Variants in MYB observed in about 807,000 individuals in gnomAD.
MYB encodes transcriptional activator Myb.
In MYB, 28 loss-of-function variants were observed where a neutral mutation model predicts 92.9. The ratio of observed to expected loss-of-function variants is 0.30; its 90% CI spans 0.22 to 0.41. The LOEUF is 0.41. Ranked by LOEUF, MYB falls within the 10% of genes least tolerant of loss-of-function variation. MYB has a pLI of 1.00. For synonymous variants in MYB, 295 were observed against 329.1 expected (o/e 0.90, Z 1.12); for missense variants, 679 against 929.3 (o/e 0.73, Z 3.50).
chr6:135,203,299 A>T lies in MYB; in HGVS notation c.2144A>T (p.Asn715Ile). The change falls in exon 15 of 16, where the codon AAC becomes ATC. Residue 715 changes from asparagine to isoleucine, a missense_variant. By Grantham distance (149) the Asn-to-Ile change is moderately radical. Coordinates refer to ENST00000341911, the MANE Select transcript of MYB (RefSeq NM_001130173.2). Reference sequence around the variant, plus strand: ...CTCAAAGCATTTACAGTACCTAAAAACAGGTCCCTGGCGAGCCCCTTGCAG... The same window carrying T: ...CTCAAAGCATTTACAGTACCTAAAATCAGGTCCCTGGCGAGCCCCTTGCAG... ...NVLKAFTVPK[N>I]RSLASPLQPC... The T allele has an allele frequency of 6.2e-7, 1 of 1,606,378 alleles. No homozygotes were observed. Among genetic ancestry groups the T allele is most frequent in the Non-Finnish European group, 8.5e-7 (1 of 1,173,010 alleles).
chr6:135,194,973 TACTGA>T (rs1777108768), intron 8 of MYB: 1 of 1,338,548 alleles, frequency 7.5e-7, no homozygotes, highest in Non-Finnish European at 9.8e-7. Context: ...TGTGGGCCAT[TACTGA>T]ATTCTGACAT....
At chr6:135,192,813 G>A (rs892305988) in intron 6 of MYB, among the ~76,000 whole-genome samples, 1 of 152,186 alleles carries the variant, frequency 6.6e-6, no homozygotes, top group African/African-American at 2.4e-5. Flanking sequence ...ACTAGAAAAC[G>A]AGCTGTCCGA....
chr6:135,187,947 C>G, intron 3 of MYB, 42 bp downstream of exon 3: 1 of 1,394,976 alleles, frequency 7.2e-7, no homozygotes, highest in Non-Finnish European at 1.0e-6. Context: ...GAAAGCTTCT[C>G]CCAAAGATTT....
At chr6:135,184,069 G>C (rs1381381912) in intron 1 of MYB, among the ~76,000 whole-genome samples, 1 of 152,148 alleles carries the variant, frequency 6.6e-6, no homozygotes, top group African/African-American at 2.4e-5. Flanking sequence ...CTTGTTCCTG[G>C]GTTGTTAAAC....
intron 2 of MYB, 91 bp from the exon 3 acceptor site, chr6:135,187,743 T>A (rs1325516013): frequency 1.3e-6 from 1 of 767,772 alleles, no homozygotes; most frequent in East Asian, 2.6e-5. Flanking sequence ...GAGAGACTTT[T>A]TATTCTAGAT....
intron 15 of MYB, among the ~76,000 whole-genome samples, chr6:135,204,287 G>A (rs1313719840): frequency 6.6e-6 from 1 of 152,150 alleles, no homozygotes. Flanking sequence ...TAGTTTTTCA[G>A]GGTTTTTTGT....
chr6:135,197,279 C>T lies in MYB; in HGVS notation c.1522C>T (p.Pro508Ser). Reference sequence around the variant, plus strand: ...ATTTGCTGACGTCAGCAGTTCAACTCCCAAGCGTTCCCCTGTCAAAAGCCT... The same window carrying T: ...ATTTGCTGACGTCAGCAGTTCAACTTCCAAGCGTTCCCCTGTCAAAAGCCT... ...FIFADVSSST[P>S]KRSPVKSLPF... is the part of the protein sequence containing the mutation. Residue 508 changes from proline to serine, a missense_variant, in exon 10 of 16, where the codon CCC (proline) becomes TCC (serine). By Grantham distance (74) the Pro-to-Ser change is moderately conservative. Coordinates refer to ENST00000341911, the MANE Select transcript of MYB (RefSeq NM_001130173.2). 6.2e-7 allele frequency: 1 copy of T among 1,613,784 alleles called. No homozygotes were observed. Among genetic ancestry groups the T allele is most frequent in the Non-Finnish European group, 8.5e-7 (1 of 1,179,742 alleles).
intron 15 of MYB, among the ~76,000 whole-genome samples, chr6:135,210,359 C>G (rs1362998588): frequency 1.3e-5 from 2 of 152,166 alleles, no homozygotes; most frequent in African/African-American, 4.8e-5. Context: ...AATTTCCTGA[C>G]TTGGCTTGCC....
chr6:135,205,354 C>A (rs1225246556), intron 15 of MYB, among the ~76,000 whole-genome samples: 1 of 151,790 alleles, frequency 6.6e-6, no homozygotes, highest in Non-Finnish European at 1.5e-5. Flanking sequence ...TATTTTCTAA[C>A]CTAGTCTGGG....
chr6:135,183,005 TG>T (rs1157827279), intron 1 of MYB, among the ~76,000 whole-genome samples: 3 of 129,740 alleles, frequency 2.3e-5, no homozygotes, highest in Non-Finnish European at 3.2e-5. Flanking sequence ...CGGGGTCATC[TG>T]TTTTTTTTTT....
chr6:135,185,116 C>T (rs1485861681), intron 1 of MYB, among the ~76,000 whole-genome samples: 2 of 152,116 alleles, frequency 1.3e-5, no homozygotes, highest in East Asian at 3.8e-4. Flanking sequence ...TTTCAAACAC[C>T]ATTCCATCAG....
In MYB at chr6:135,193,907, G is replaced by A. The variant is rs769759766; in HGVS notation, c.832G>A (p.Ala278Thr). Reference sequence around the variant, plus strand: ...AGTCAATGTCCCTCAGCCAGCTGCCGCAGCCATTCAGGTAAGATCATTGAT... The same window carrying A: ...AGTCAATGTCCCTCAGCCAGCTGCCACAGCCATTCAGGTAAGATCATTGAT... ...NIVNVPQPAA[A>T]AIQRHYNDED... Residue 278 changes from alanine to threonine, a missense_variant, in exon 7 of 16, where the codon GCA becomes ACA. Transcript: ENST00000341911. 88 of 1,607,528 alleles carry A rather than the reference G, an allele frequency of 5.5e-5. No homozygotes were observed. In the Middle Eastern group the frequency reaches 6.6e-4, roughly 12 times the overall value.
In MYB at chr6:135,199,040, G is replaced by A; in HGVS notation, c.1699G>A (p.Glu567Lys). ...AGACCAGACTGTGAAAACTCAAAAG[G>A]AAAATACTGTGTAAGTCTTTGGTTC... Reference protein sequence around the residue: ...HRDQTVKTQKENTVFRTPAIK... With the variant: ...HRDQTVKTQKKNTVFRTPAIK... Residue 567 changes from glutamate to lysine, a missense_variant, in exon 11 of 16, where the codon GAA (glutamate) becomes AAA (lysine). Physicochemically the swap from Glu to Lys is moderately conservative, Grantham distance 56. This residue lies in a region of MYB where 402 missense variants were observed against 434.2 expected (regional missense o/e 0.93). Coordinates refer to ENST00000341911, the MANE Select transcript of MYB (RefSeq NM_001130173.2). 6.3e-7 allele frequency: 1 copy of A among 1,599,136 alleles called. No homozygotes were observed. The highest frequency in any genetic ancestry group is 1.1e-5 in the South Asian group (1 of 87,534).
In MYB at chr6:135,190,330, A is replaced by C; in HGVS notation, c.510A>C (p.Ala170=). The C allele has an allele frequency of 6.2e-7, 1 of 1,613,926 alleles. No homozygotes were observed. The highest frequency in any genetic ancestry group is 8.5e-7 in the Non-Finnish European group (1 of 1,179,752). The change falls in exon 5 of 16, where the codon GCA becomes GCC. Residue 170 remains alanine (A), a synonymous_variant. Transcript: ENST00000341911. This position sits in a 1 kb window ranked among gnomAD's most constrained non-coding sequence, Gnocchi z 4.5. ...TGGGGAACAGATGGGCAGAAATCGC[A>C]AAGCTACTGCCTGGACGGTAATAAT... is the stretch of plus-strand genomic sequence containing the variant. ...KRLGNRWAEI[A]KLLPGRTDNA... is the part of the protein sequence containing the mutation.
At chr6:135,206,358 C>T (rs904851842) in intron 15 of MYB, among the ~76,000 whole-genome samples, 1 of 150,232 alleles carries the variant, frequency 6.7e-6, no homozygotes, top group African/African-American at 2.5e-5. Context: ...TGATTATACC[C>T]CTGCACTCTA....
intron 15 of MYB, among the ~76,000 whole-genome samples, chr6:135,206,716 AAT>A (rs1778994509): frequency 6.6e-6 from 1 of 152,122 alleles, no homozygotes; most frequent in Admixed American, 6.5e-5. Context: ...ACAAAAATTT[AAT>A]CTGCTATAAT....
chr6:135,190,212 G>T lies in MYB; in HGVS notation c.392G>T (p.Arg131Met). 1 of 1,614,160 alleles carries T rather than the reference G, an allele frequency of 6.2e-7. No individual in the cohort carries two copies. Among genetic ancestry groups the T allele is most frequent in the South Asian group, 1.1e-5 (1 of 91,086 alleles). Reference sequence around the variant, plus strand: ...AAGGGGAGAATTGGAAAACAATGTAGGGAGAGGTGGCATAACCACTTGAAT... The same window carrying T: ...AAGGGGAGAATTGGAAAACAATGTATGGAGAGGTGGCATAACCACTTGAAT... ...HLKGRIGKQC[R>M]ERWHNHLNPE... is the part of the protein sequence containing the mutation. Residue 131 changes from arginine (R) to methionine (M), a missense_variant, in exon 5 of 16, where the codon AGG becomes ATG. Physicochemically the swap from Arg to Met is moderately conservative, Grantham distance 91. This residue lies in a region of MYB where 1 missense variants were observed against 31.2 expected (regional missense o/e 0.03). Transcript: ENST00000341911. The surrounding 1 kb of genome is among the most constrained non-coding windows in gnomAD (Gnocchi z 4.5).
chr6:135,188,031 C>A, intron 3 of MYB, 126 bp downstream of exon 3: 1 of 448,450 alleles, frequency 2.2e-6, no homozygotes, highest in Non-Finnish European at 3.9e-6. Context: ...GAGAAATGCC[C>A]TACCCATAAC....
Position 135,190,135 on chromosome 6 carries a change from G to A in MYB, c.315G>A (p.Glu105=). ...TGTGTGTTTATCTGAAGGTGATAGA[G>A]CTTGTACAGAAATACGGTCCGAAAC... The part of the protein sequence containing the change: ...WTKEEDQRVI[E]LVQKYGPKRW... The change falls in exon 5 of 16, where the codon GAG becomes GAA. Residue 105 remains glutamate (E), a synonymous_variant. Coordinates refer to ENST00000341911, the MANE Select transcript of MYB (RefSeq NM_001130173.2). This position sits in a 1 kb window ranked among gnomAD's most constrained non-coding sequence, Gnocchi z 4.5. 1 of 1,614,048 alleles carries A rather than the reference G, an allele frequency of 6.2e-7. No individual in the cohort carries two copies. The highest frequency in any genetic ancestry group is 8.5e-7 in the Non-Finnish European group (1 of 1,179,938).
Sources: allele counts gnomAD v4.1 joint callset (sites outside exome capture counted in the v4.1 genomes callset), GRCh38; gene constraint gnomAD v4.1.1; regional missense constraint gnomAD v4.1.1; non-coding constraint Gnocchi (gnomAD v3.1); transcripts MANE v1.5; gene names NCBI Gene and HGNC (gene_info 2026-07-23, HGNC 2026-07-21).